Variants in DDX31 observed in about 807,000 individuals in gnomAD.
The protein encoded by DDX31 is ATP-dependent DNA helicase DDX31.
Under a neutral mutation model 91.3 loss-of-function variants are expected in DDX31, and 70 were observed. The ratio of observed to expected loss-of-function variants is 0.77; its 90% confidence interval spans 0.63 to 0.94. The LOEUF is 0.94. Among genes scored for constraint, DDX31 ranks in the 40% least tolerant of loss-of-function variants. The pLI, the probability that DDX31 is intolerant of heterozygous loss-of-function variation, is 0.00. For missense variants in DDX31, 902 were observed against 925.0 expected, an observed-to-expected ratio of 0.98 and a Z score of 0.32; for synonymous variants, 362 against 350.6, an observed-to-expected ratio of 1.03 and a Z score of -0.36.
At position 132,645,978 on chromosome 9, in the gene DDX31, A is replaced by G. The variant is rs1222965380; in HGVS notation, c.1297T>C (p.Ser433Pro). The G allele has an allele frequency of 6.2e-7, 1 of 1,614,106 alleles. No homozygotes were observed. The highest frequency in any genetic ancestry group is 1.3e-5 in the African/African-American group (1 of 75,028). The change falls in exon 13 of 20, where the codon TCA (serine) becomes CCA (proline). Residue 433 changes from serine to proline, a missense_variant. Coordinates refer to ENST00000372159, the MANE Select transcript of DDX31 (RefSeq NM_022779.9). ...SLFLQTLLSSSGAPASGQLPS... is the reference protein window; with the variant it reads ...SLFLQTLLSSPGAPASGQLPS... ...AACTGCCCTGATGCCGGCGCCCCTG[A>G]GCTGCTCAGCAGGGTCTGTAGGAAG...
chr9:132,655,502 T>C (rs1834503257), intron 6 of DDX31, among the ~76,000 whole-genome samples: 1 of 152,176 alleles, frequency 6.6e-6, no homozygotes, highest in African/African-American at 2.4e-5. Context: ...GCAGAGAATT[T>C]CCCCAGGAGG....
In DDX31 at chr9:132,638,124, T is replaced by C. The variant is rs373072925; in HGVS notation, c.1440+3880A>G. 7.2e-5 allele frequency: 99 copies of C among 1,382,936 alleles called. No homozygotes were observed. In the Middle Eastern group the frequency reaches 7.9e-4, roughly 11 times the overall value. 85.7% of individuals were successfully genotyped at this position (1,382,936 alleles called of 1,614,324 possible). Reference sequence around the variant, plus strand: ...AGCCAAGGAGGATGCCAAGGGACAGTTGGCGCCCAGGGCGGGCTGCAGGTA... The same window carrying C: ...AGCCAAGGAGGATGCCAAGGGACAGCTGGCGCCCAGGGCGGGCTGCAGGTA... On this transcript the variant is annotated intron_variant, in intron 14 of 19. Coordinates refer to ENST00000372159, the MANE Select transcript of DDX31 (RefSeq NM_022779.9).
chr9:132,630,255 C>T lies in DDX31; in HGVS notation c.1631+9G>A. ...ACCAGCCGAAACCCCATTCAGGTTT[C>T]TGACTCACTTGATTTTGTGAGAAGC... On this transcript the variant is annotated intron_variant, in intron 16 of 19. Coordinates refer to ENST00000372159, the MANE Select transcript of DDX31 (RefSeq NM_022779.9). 6.4e-7 allele frequency: 1 copy of T among 1,571,518 alleles called. No individual in the cohort carries two copies. The highest frequency in any genetic ancestry group is 8.7e-7 in the Non-Finnish European group (1 of 1,147,776).
chr9:132,594,894 C>T lies in DDX31; in HGVS notation c.2213G>A (p.Arg738Gln), dbSNP rs306548. 3,296 of 1,613,828 alleles carry T rather than the reference C, an allele frequency of 2.0e-3. 59 individuals carry two copies. In the African/African-American group the frequency reaches 0.039, roughly 19 times the overall value. Residue 738 changes from arginine to glutamine, a missense_variant, in exon 20 of 20, where the codon CGG becomes CAG. Arg to Gln is a conservative substitution (Grantham distance 43). Transcript: ENST00000372159. ...KWRKTQKGVQRDSKTSQKV is the reference protein window; with the variant it reads ...KWRKTQKGVQQDSKTSQKV Reference sequence around the variant, plus strand: ...AACTTTCTGGGAAGTCTTGCTGTCCCGCTGTACACCTTTTTGGGTTTTTCT... The same window carrying T: ...AACTTTCTGGGAAGTCTTGCTGTCCTGCTGTACACCTTTTTGGGTTTTTCT...
chr9:132,653,794 T>C (rs1213075961), intron 6 of DDX31, among the ~76,000 whole-genome samples: 2 of 151,904 alleles, frequency 1.3e-5, no homozygotes, highest in East Asian at 1.9e-4. Context: ...TGTGTATATA[T>C]AAAATAACAT....
At chr9:132,625,230 C>T (rs1423284950) in intron 17 of DDX31, among the ~76,000 whole-genome samples, 1 of 152,156 alleles carries the variant, frequency 6.6e-6, no homozygotes, top group Non-Finnish European at 1.5e-5. Flanking sequence ...AGCACACACA[C>T]ATTAAAAAAT....
chr9:132,611,381 G>A (rs1589980880), intron 19 of DDX31, among the ~76,000 whole-genome samples: 1 of 152,176 alleles, frequency 6.6e-6, no homozygotes, highest in African/African-American at 2.4e-5. Flanking sequence ...GCTCCTGTGA[G>A]GGCTGAGGCT....
At chr9:132,662,151 A>G (rs535481966) in intron 3 of DDX31, 110 bp downstream of exon 3, 5 of 1,070,694 alleles carry the variant, frequency 4.7e-6, no homozygotes, top group African/African-American at 3.2e-5. Flanking sequence ...AACTTAGAGC[A>G]GAAACAAACA....
intron 18 of DDX31, among the ~76,000 whole-genome samples, chr9:132,618,004 CAT>C (rs1295075880): frequency 3.9e-5 from 6 of 152,228 alleles, no homozygotes; most frequent in Non-Finnish European, 8.8e-5. Context: ...TAACGTGTCA[CAT>C]GTCTTCTATC....
At position 132,652,324 on chromosome 9, in the gene DDX31, C is replaced by T. The variant is rs117152264; in HGVS notation, c.633+124G>A. 8.5e-5 allele frequency: 92 copies of T among 1,088,512 alleles called. 1 individual carries two copies. The East Asian group carries it at 2.2e-3, about 25-fold the overall frequency. 67.4% of individuals were successfully genotyped at this position (1,088,512 alleles called of 1,614,324 possible). A position where few individuals can be genotyped will look rare whatever the true frequency, so the allele number is the denominator to read the frequency against. On this transcript the variant is annotated intron_variant, in intron 7 of 19. Transcript: ENST00000372159. ...AAGAACCAGAAGGATGGTTTCCAGG[C>T]AAATGGAACTGGTGTGCAGTGGCTT...
intron 17 of DDX31, among the ~76,000 whole-genome samples, chr9:132,618,642 A>ATT (rs1564290831): frequency 6.6e-5 from 10 of 152,318 alleles, no homozygotes; most frequent in African/African-American, 2.4e-4. Context: ...TTTATGAGAG[A>ATT]GAACATCAGG....
At chr9:132,608,879 G>A (rs1831171486) in intron 19 of DDX31, among the ~76,000 whole-genome samples, 1 of 152,108 alleles carries the variant, frequency 6.6e-6, no homozygotes, top group Non-Finnish European at 1.5e-5. Context: ...CTCAAACCCT[G>A]ACTGAGGTGT....
chr9:132,661,375 C>T (rs1490410712), intron 3 of DDX31, 124 bp from the exon 4 acceptor site: 2 of 842,950 alleles, frequency 2.4e-6, no homozygotes, highest in African/African-American at 3.4e-5. Context: ...AGTTCCTCCA[C>T]CCAGGTGGTG....
chr9:132,600,999 AT>A (rs1830692430), intron 19 of DDX31, among the ~76,000 whole-genome samples: 1 of 152,196 alleles, frequency 6.6e-6, no homozygotes, highest in African/African-American at 2.4e-5. Flanking sequence ...TACTGTTAAG[AT>A]GGAGAATACA....
At chr9:132,614,585 G>A (rs974103110) in intron 18 of DDX31, among the ~76,000 whole-genome samples, 5 of 152,048 alleles carry the variant, frequency 3.3e-5, no homozygotes, top group African/African-American at 1.2e-4. Context: ...CCCAAATCCC[G>A]CTCTAGGTCT....
chr9:132,622,436 T>A (rs970528945), intron 17 of DDX31, among the ~76,000 whole-genome samples: 2 of 152,208 alleles, frequency 1.3e-5, no homozygotes, highest in Non-Finnish European at 2.9e-5. Flanking sequence ...TGTAGCTTGT[T>A]GCTGACAGAG....
In DDX31 at chr9:132,651,103, C is replaced by T. The variant is rs774979157; in HGVS notation, c.647G>A (p.Ser216Asn). 6.2e-7 allele frequency: 1 copy of T among 1,610,322 alleles called. No individual in the cohort carries two copies. Among genetic ancestry groups the T allele is most frequent in the South Asian group, 1.1e-5 (1 of 89,968 alleles). Reference protein sequence around the residue: ...LVPTRELALQSFDTVQKLLKP... With the variant: ...LVPTRELALQNFDTVQKLLKP... Reference sequence around the variant, plus strand: ...AAGCAGTTTCTGGACAGTGTCAAAGCTTTGTAGAGCTAGCTGTAAAAATTT... The same window carrying T: ...AAGCAGTTTCTGGACAGTGTCAAAGTTTTGTAGAGCTAGCTGTAAAAATTT... Residue 216 changes from serine (S) to asparagine (N), a missense_variant, in exon 8 of 20, where the codon AGC (serine) becomes AAC (asparagine). By Grantham distance (46) the Ser-to-Asn change is conservative. Coordinates refer to ENST00000372159, the MANE Select transcript of DDX31 (RefSeq NM_022779.9).
rs939409419 is a variant in DDX31 at position 132,669,651 on chromosome 9, A to C, written c.75+209T>G. 1.4e-5 allele frequency: 21 copies of C among 1,530,818 alleles called. 1 individual carries two copies. The Admixed American group carries it at 2.8e-4, about 20-fold the overall frequency. 94.8% of individuals were successfully genotyped at this position (1,530,818 alleles called of 1,614,324 possible). Reference sequence around the variant, plus strand: ...GCTCCCCGCCCCTCCACACCGCTCCACTCCCCGCTTCCAGGCGCATCCCTG... The same window carrying C: ...GCTCCCCGCCCCTCCACACCGCTCCCCTCCCCGCTTCCAGGCGCATCCCTG... On this transcript the variant is annotated intron_variant, in intron 1 of 19. Transcript: ENST00000372159.
rs1259045950 is a variant in DDX31 at position 132,667,389 on chromosome 9, G to A, written c.75+2471C>T. ...GCCGAGGTGGGCAGATCACAAGGTCGGGAGATGGAGACCATCCTGGCTAAC... is the reference window on the plus strand; with the variant it reads ...GCCGAGGTGGGCAGATCACAAGGTCAGGAGATGGAGACCATCCTGGCTAAC... On this transcript the variant is annotated intron_variant, in intron 1 of 19. Coordinates refer to ENST00000372159, the MANE Select transcript of DDX31 (RefSeq NM_022779.9). 5.3e-5 allele frequency among the ~76,000 whole-genome samples: 8 copies of A among 151,612 alleles called. No individual in the cohort carries two copies. In the East Asian group the frequency reaches 1.6e-3, roughly 30 times the overall value.
Sources: allele counts gnomAD v4.1 joint callset (sites outside exome capture counted in the v4.1 genomes callset), GRCh38; gene constraint gnomAD v4.1.1; transcripts MANE v1.5; gene names NCBI Gene and HGNC (gene_info 2026-07-23, HGNC 2026-07-21).